The following RBMS3 variants were observed in gnomAD, a reference collection of about 807,000 sequenced individuals.
The protein encoded by RBMS3 is RNA-binding motif, single-stranded-interacting protein 3.
RBMS3 carries 27 observed loss-of-function variants against 66.8 expected under a neutral mutation model. The observed-to-expected ratio is 0.40, with a 90% CI of 0.30 to 0.56. RBMS3 has a LOEUF of 0.56. Ranked by LOEUF, RBMS3 falls within the 20% of genes least tolerant of loss-of-function variation. RBMS3 has a pLI of 0.40. For synonymous variants in RBMS3, 188 were observed against 183.0 expected, an observed-to-expected ratio of 1.03 and a Z score of -0.22; for missense variants, 513 against 549.5, an observed-to-expected ratio of 0.93 and a Z score of 0.66.
intron 1 of RBMS3, among the ~76,000 whole-genome samples, chr3:29,351,638 G>A (rs1559508928): frequency 6.6e-6 from 1 of 151,690 alleles, no homozygotes; most frequent in South Asian, 2.1e-4. Flanking sequence ...ATTTGATAAG[G>A]CATTGCATAG....
At chr3:29,325,726 T>C (rs1429973401) in intron 1 of RBMS3, among the ~76,000 whole-genome samples, 1 of 152,068 alleles carries the variant, frequency 6.6e-6, no homozygotes, top group African/African-American at 2.4e-5. Flanking sequence ...ACAGGTGTTC[T>C]TCTAGAATAT....
intron 12 of RBMS3, among the ~76,000 whole-genome samples, chr3:29,980,354 T>G (rs62235525): frequency 0.14 from 21,957 of 152,218 alleles, 1,847 homozygotes; most frequent in Middle Eastern, 0.22. Flanking sequence ...ATGGATAGAC[T>G]GCAAAAATTT....
chr3:29,615,996 A>G (rs1306559470), intron 4 of RBMS3: 1 of 152,200 alleles, frequency 6.6e-6, no homozygotes, highest in East Asian at 1.9e-4. Flanking sequence ...TGAGGGAAAG[A>G]TAGTCTGAGC....
chr3:29,727,501 A>G (rs1318622835), intron 4 of RBMS3, among the ~76,000 whole-genome samples: 1 of 152,142 alleles, frequency 6.6e-6, no homozygotes, highest in Non-Finnish European at 1.5e-5. Flanking sequence ...ATGTACAAGG[A>G]ACTTAAATTT....
chr3:29,659,523 T>TC, intron 4 of RBMS3, among the ~76,000 whole-genome samples: 1 of 152,308 alleles, frequency 6.6e-6, no homozygotes, highest in East Asian at 1.9e-4. Flanking sequence ...TAATGTAATA[T>TC]CCCCAAAGAT....
intron 6 of RBMS3, among the ~76,000 whole-genome samples, chr3:29,779,725 A>ATATATATATATATATATATATATATAT (rs1301512844): frequency 1.4e-3 from 209 of 144,682 alleles, no homozygotes; most frequent in Non-Finnish European, 2.2e-3. Flanking sequence ...ATATATATAT[A>ATATATATATATATATATATATATATAT]AACAACCCCA....
At chr3:29,909,126 G>C (rs947903182) in intron 10 of RBMS3, among the ~76,000 whole-genome samples, 1 of 152,106 alleles carries the variant, frequency 6.6e-6, no homozygotes, top group African/African-American at 2.4e-5. Context: ...CCTGCCTTAA[G>C]TGAAATGTTT....
chr3:29,990,004 A>AT, intron 13 of RBMS3, among the ~76,000 whole-genome samples: 1 of 152,172 alleles, frequency 6.6e-6, no homozygotes, highest in Non-Finnish European at 1.5e-5. Flanking sequence ...GTCTAATTAT[A>AT]TTTAGGGATT....
intron 1 of RBMS3, among the ~76,000 whole-genome samples, chr3:29,340,591 C>G (rs561610747): frequency 6.6e-6 from 1 of 152,068 alleles, no homozygotes; most frequent in Admixed American, 6.6e-5. Context: ...TGACAAAATG[C>G]CACATCTTTT....
At chr3:29,462,841 A>G (rs1200968974) in intron 2 of RBMS3, among the ~76,000 whole-genome samples, 2 of 152,220 alleles carry the variant, frequency 1.3e-5, no homozygotes, top group Admixed American at 1.3e-4. Context: ...TAAGAAAATG[A>G]AGTGGCAATT....
chr3:29,555,113 A>C (rs1291036048), intron 3 of RBMS3, among the ~76,000 whole-genome samples: 1 of 152,188 alleles, frequency 6.6e-6, no homozygotes, highest in Non-Finnish European at 1.5e-5. Context: ...TGTTAAGATA[A>C]AAATCAATAT....
intron 10 of RBMS3, chr3:29,925,052 A>G (rs942690685): frequency 3.3e-5 from 5 of 152,234 alleles, no homozygotes; most frequent in African/African-American, 1.2e-4. Flanking sequence ...TCAGAGCGGG[A>G]CATAGTAGTT....
intron 6 of RBMS3, among the ~76,000 whole-genome samples, chr3:29,810,287 AT>A (rs2057693529): frequency 6.6e-6 from 1 of 152,148 alleles, no homozygotes; most frequent in Non-Finnish European, 1.5e-5. Flanking sequence ...ATCTCCAGTT[AT>A]AAATTTTTAT....
At chr3:29,495,057 G>A (rs972566050) in intron 3 of RBMS3, among the ~76,000 whole-genome samples, 2 of 147,650 alleles carry the variant, frequency 1.4e-5, no homozygotes, top group African/African-American at 4.9e-5. Context: ...TTGGAGACAA[G>A]TATCCAAAAG....
intron 6 of RBMS3, among the ~76,000 whole-genome samples, chr3:29,767,998 A>G (rs903083340): frequency 2.0e-5 from 3 of 151,976 alleles, no homozygotes; most frequent in Non-Finnish European, 2.9e-5. Flanking sequence ...TGTTCTGCTC[A>G]GGTGGCGCAT....
At chr3:29,343,302 C>T (rs2036388846) in intron 1 of RBMS3, among the ~76,000 whole-genome samples, 1 of 151,626 alleles carries the variant, frequency 6.6e-6, no homozygotes, top group South Asian at 2.1e-4. Context: ...TAGCCAGTTA[C>T]CTAAGAAAAT....
At chr3:29,804,450 T>C (rs2057480902) in intron 6 of RBMS3, among the ~76,000 whole-genome samples, 1 of 152,096 alleles carries the variant, frequency 6.6e-6, no homozygotes, top group African/African-American at 2.4e-5. Flanking sequence ...ACCTTGAGCT[T>C]GGCAAATGGC....
intron 3 of RBMS3, 67 bp from the exon 4 acceptor site, chr3:29,587,047 C>A: frequency 1.6e-6 from 2 of 1,227,642 alleles, no homozygotes; most frequent in Admixed American, 1.9e-5. Context: ...TAAACTTGTA[C>A]TTCATCAGTG....
At chr3:29,979,893 CAT>C (rs1404749505) in intron 12 of RBMS3, among the ~76,000 whole-genome samples, 2 of 152,208 alleles carry the variant, frequency 1.3e-5, no homozygotes, top group Non-Finnish European at 2.9e-5. Context: ...CTGCAATAAA[CAT>C]ATGTGTGCAT....
Sources: allele counts gnomAD v4.1 joint callset (sites outside exome capture counted in the v4.1 genomes callset), GRCh38; gene constraint gnomAD v4.1.1; transcripts MANE v1.5; gene names NCBI Gene and HGNC (gene_info 2026-07-23, HGNC 2026-07-21).